The following INSR variants were observed in gnomAD, a reference collection of about 807,000 sequenced individuals.
INSR encodes the protein IR.
INSR carries 67 observed loss-of-function variants against 142.6 expected under a neutral mutation model. The observed-to-expected ratio is 0.47, with a 90% CI of 0.39 to 0.58. INSR has a LOEUF of 0.58. Ranked by LOEUF, INSR falls within the 20% of genes least tolerant of loss-of-function variation. The probability of loss-of-function intolerance (pLI) is 0.00; values close to 1 mark genes in which losing one functional copy is unlikely to be tolerated. For synonymous variants in INSR, 756 were observed against 743.1 expected (o/e 1.02, Z -0.28); for missense variants, 1,248 against 1,833.2 (o/e 0.68, Z 5.83).
chr19:7,181,832 C>T (rs988086508), intron 3 of INSR, among the ~76,000 whole-genome samples: 4 of 151,520 alleles, frequency 2.6e-5, no homozygotes, highest in Non-Finnish European at 4.4e-5. Context: ...CCGTCCACTT[C>T]GGCCTCCCAA....
chr19:7,145,644 G>A (rs1374154237), intron 11 of INSR, among the ~76,000 whole-genome samples: 7 of 152,218 alleles, frequency 4.6e-5, no homozygotes, highest in African/African-American at 1.4e-4. Flanking sequence ...TACATGATGT[G>A]TAAACAAGTG....
chr19:7,251,859 T>A (rs1334635712), intron 2 of INSR, among the ~76,000 whole-genome samples: 2 of 152,010 alleles, frequency 1.3e-5, no homozygotes, highest in African/African-American at 2.4e-5. Flanking sequence ...TTTTATGTAA[T>A]AAGATAGAAT....
At chr19:7,290,867 C>T (rs557105738) in intron 1 of INSR, among the ~76,000 whole-genome samples, 2 of 151,318 alleles carry the variant, frequency 1.3e-5, no homozygotes, top group Non-Finnish European at 2.9e-5. Context: ...ATCAGGAGGT[C>T]GAGACCATCC....
chr19:7,155,956 A>G (rs1429232745), intron 9 of INSR, among the ~76,000 whole-genome samples: 1 of 148,606 alleles, frequency 6.7e-6, no homozygotes, highest in South Asian at 2.3e-4. Context: ...GGAGGAGGAG[A>G]AGGAGCCAGG....
At chr19:7,249,801 G>C (rs376774128) in intron 2 of INSR, among the ~76,000 whole-genome samples, 8 of 152,110 alleles carry the variant, frequency 5.3e-5, no homozygotes, top group Admixed American at 6.6e-5. Context: ...GACCATCCTG[G>C]CTAACAGGGT....
intron 10 of INSR, among the ~76,000 whole-genome samples, chr19:7,151,370 T>C (rs1457424061): frequency 2.0e-5 from 3 of 151,016 alleles, no homozygotes; most frequent in Non-Finnish European, 3.0e-5. Flanking sequence ...CCAACTCCTG[T>C]GCTCCAGCAA....
At chr19:7,189,078 G>A (rs1289695458) in intron 2 of INSR, among the ~76,000 whole-genome samples, 2 of 152,064 alleles carry the variant, frequency 1.3e-5, no homozygotes, top group African/African-American at 4.8e-5. Context: ...TGATCTGTCT[G>A]TGGGAACCTG....
chr19:7,158,664 C>T (rs1417954937), intron 9 of INSR, among the ~76,000 whole-genome samples: 1 of 152,014 alleles, frequency 6.6e-6, no homozygotes, highest in Non-Finnish European at 1.5e-5. Flanking sequence ...TGAGAAAGTT[C>T]TGGAGATGAT....
At chr19:7,132,645 G>C (rs1180527799) in intron 13 of INSR, among the ~76,000 whole-genome samples, 1 of 150,080 alleles carries the variant, frequency 6.7e-6, no homozygotes, top group South Asian at 2.1e-4. Flanking sequence ...AGGCTGGAGC[G>C]CAATGGCTTA....
Position 7,293,991 on chromosome 19 carries a change from C to A in INSR, c.-100G>T. The A allele has an allele frequency of 9.1e-7, 1 of 1,104,934 alleles. No individual in the cohort carries two copies. The highest frequency in any genetic ancestry group is 1.1e-6 in the Non-Finnish European group (1 of 904,272). The allele number at this position is 1,104,934 out of a possible 1,614,324, so 68.4% of individuals were successfully genotyped here. On this transcript the variant is annotated 5_prime_UTR_variant, in exon 1 of 22. Coordinates refer to ENST00000302850, the MANE Select transcript of INSR (RefSeq NM_000208.4). ...CACCCAAGAGGCGCTGGGGGCCGCGCGTCCTTCTCTTCCACGCCCGCGACC... is the reference window on the plus strand; with the variant it reads ...CACCCAAGAGGCGCTGGGGGCCGCGAGTCCTTCTCTTCCACGCCCGCGACC...
rs1972520474 is a variant in INSR, at chr19:7,122,602, A to T, written c.3529+12T>A. On this transcript the variant is annotated intron_variant, in intron 19 of 21. Coordinates refer to ENST00000302850, the MANE Select transcript of INSR (RefSeq NM_000208.4). Reference sequence around the variant, plus strand: ...GGGTCGTTATGTTTTCAAAGCAGAAAGCCAGACGAACCTCCAATTTTGACA... The same window carrying T: ...GGGTCGTTATGTTTTCAAAGCAGAATGCCAGACGAACCTCCAATTTTGACA... The T allele has an allele frequency of 6.2e-7, 1 of 1,614,182 alleles. No individual in the cohort carries two copies. The highest frequency in any genetic ancestry group is 8.5e-7 in the Non-Finnish European group (1 of 1,180,020).
chr19:7,288,508 A>G (rs1475395657), intron 1 of INSR, among the ~76,000 whole-genome samples: 3 of 151,874 alleles, frequency 2.0e-5, no homozygotes, highest in African/African-American at 7.3e-5. Context: ...GCATGGTGGC[A>G]CCTGCCTGTG....
rs1283865523 is a variant in INSR, at chr19:7,166,404, G to T, written c.1611C>A (p.Ala537=). 1 of 1,613,708 alleles carries T rather than the reference G, an allele frequency of 6.2e-7. No individual in the cohort carries two copies. The highest frequency in any genetic ancestry group is 8.5e-7 in the Non-Finnish European group (1 of 1,179,932). Reference sequence around the variant, plus strand: ...CGAACTCCGTCACATTCTGATAAGGGCTTTCAAGACAAAACAGCAGAAGGC... The same window carrying T: ...CGAACTCCGTCACATTCTGATAAGGTCTTTCAAGACAAAACAGCAGAAGGC... ...LLGFMLFYKE[A]PYQNVTEFDG... is the part of the protein sequence containing the mutation. The change falls in exon 8 of 22, where the codon GCC becomes GCA. Residue 537 remains alanine (A), a splice_region_variant and synonymous_variant. Transcript: ENST00000302850. The surrounding 1 kb of genome is among the most constrained non-coding windows in gnomAD (Gnocchi z 4.1).
intron 2 of INSR, among the ~76,000 whole-genome samples, chr19:7,229,992 G>A (rs4804426): frequency 0.72 from 109,415 of 151,788 alleles, 39,747 homozygotes; most frequent in South Asian, 0.82. Flanking sequence ...GGGTCTTGCT[G>A]TGTTGTCCAG....
At chr19:7,186,035 T>C (rs934770765) in intron 2 of INSR, among the ~76,000 whole-genome samples, 2 of 150,184 alleles carry the variant, frequency 1.3e-5, no homozygotes, top group African/African-American at 2.4e-5. Flanking sequence ...TCTCTACTGA[T>C]GATACAAACA....
At chr19:7,118,791 T>A (rs1972402480) in intron 21 of INSR, among the ~76,000 whole-genome samples, 1 of 149,346 alleles carries the variant, frequency 6.7e-6, no homozygotes, top group Non-Finnish European at 1.5e-5. Flanking sequence ...GGTGGGTGCC[T>A]GTAGTCCTAG....
At chr19:7,155,165 T>A (rs1185438881) in intron 9 of INSR, among the ~76,000 whole-genome samples, 1 of 151,866 alleles carries the variant, frequency 6.6e-6, no homozygotes, top group African/African-American at 2.4e-5. Context: ...ACCATCCACA[T>A]ATCGTGGTGT....
chr19:7,272,932 A>G (rs1294527651), intron 1 of INSR, among the ~76,000 whole-genome samples: 1 of 152,194 alleles, frequency 6.6e-6, no homozygotes, highest in Non-Finnish European at 1.5e-5. Flanking sequence ...ATACAAAAAA[A>G]TCCGAAAGAG....
chr19:7,138,980 T>C (rs1348144888), intron 13 of INSR, among the ~76,000 whole-genome samples: 1 of 152,162 alleles, frequency 6.6e-6, no homozygotes, highest in African/African-American at 2.4e-5. Flanking sequence ...AGAGGATGTA[T>C]TGTACTTCCT....
Sources: allele counts gnomAD v4.1 joint callset (sites outside exome capture counted in the v4.1 genomes callset), GRCh38; gene constraint gnomAD v4.1.1; non-coding constraint Gnocchi (gnomAD v3.1); transcripts MANE v1.5; gene names NCBI Gene and HGNC (gene_info 2026-07-23, HGNC 2026-07-21).